The following SLCO2A1 variants were observed in gnomAD, a reference collection of about 807,000 sequenced individuals.
SLCO2A1 encodes matrin F/G 1.
Under a neutral mutation model 71.7 loss-of-function variants are expected in SLCO2A1, and 60 were observed. That is an observed-to-expected ratio of 0.84 (90% CI 0.68 to 1.04). SLCO2A1 has a LOEUF of 1.04. Among genes scored for constraint, SLCO2A1 ranks in the 50% least tolerant of loss-of-function variants. SLCO2A1 has a pLI of 0.00. For missense variants in SLCO2A1, 745 were observed against 813.4 expected (o/e 0.92, Z 1.02); for synonymous variants, 308 against 326.7 (o/e 0.94, Z 0.62).
At chr3:133,987,962 G>A (rs1934754421) in intron 1 of SLCO2A1, among the ~76,000 whole-genome samples, 1 of 152,144 alleles carries the variant, frequency 6.6e-6, no homozygotes, top group Non-Finnish European at 1.5e-5. Context: ...AAGAAAGGAG[G>A]GAGGAAAAGG....
chr3:133,939,592 A>C (rs1933363311), intron 11 of SLCO2A1, among the ~76,000 whole-genome samples: 1 of 152,142 alleles, frequency 6.6e-6, no homozygotes, highest in Non-Finnish European at 1.5e-5. Flanking sequence ...TGAGACAAAT[A>C]CTCATTGGGG....
At chr3:133,941,261 C>T (rs1458423931) in intron 11 of SLCO2A1, among the ~76,000 whole-genome samples, 3 of 152,148 alleles carry the variant, frequency 2.0e-5, no homozygotes, top group Non-Finnish European at 4.4e-5. Flanking sequence ...AGACACCTAG[C>T]TAGCTGTGAA....
At chr3:133,951,473 T>A in intron 5 of SLCO2A1, 129 bp from the exon 6 acceptor site, 1 of 1,129,018 alleles carries the variant, frequency 8.9e-7, no homozygotes, top group Non-Finnish European at 1.3e-6. Flanking sequence ...AGCCATGAGC[T>A]AGATTCTTGG....
chr3:133,953,621 T>G (rs774719813), intron 5 of SLCO2A1, 42 bp downstream of exon 5: 6 of 1,524,646 alleles, frequency 3.9e-6, no homozygotes, highest in Admixed American at 1.7e-5. Flanking sequence ...GGCTGCTTTA[T>G]TGAGCTGGGG....
intron 1 of SLCO2A1, among the ~76,000 whole-genome samples, chr3:134,004,906 C>T (rs1007613227): frequency 8.5e-5 from 13 of 152,160 alleles, no homozygotes; most frequent in Non-Finnish European, 1.6e-4. Flanking sequence ...TAAGCCACTC[C>T]GTGGTGATAA....
intron 3 of SLCO2A1, among the ~76,000 whole-genome samples, chr3:133,959,551 G>A (rs970389914): frequency 2.6e-5 from 4 of 152,132 alleles, no homozygotes; most frequent in Admixed American, 1.3e-4. Context: ...AACACTGGGC[G>A]TGACGGCGCG....
rs150503809 is a variant in SLCO2A1 at position 133,935,805 on chromosome 3, C to T, written c.1783G>A (p.Ala595Thr). The T allele has an allele frequency of 1.8e-4, 297 of 1,609,914 alleles. No homozygotes were observed. Among genetic ancestry groups the T allele is most frequent in the Non-Finnish European group, 2.3e-4 (272 of 1,177,446 alleles). Residue 595 changes from alanine to threonine, a missense_variant, in exon 13 of 14, where the codon GCC becomes ACC. Coordinates refer to ENST00000310926, the MANE Select transcript of SLCO2A1 (RefSeq NM_005630.3). ...CGGAGAGCATCGTTGTCATAGTAGG[C>T]GCAGGCCCCTCGCCTCCCCAAGCAC... is the stretch of plus-strand genomic sequence containing the variant. ...SLCLGRRGAC[A>T]YYDNDALRDR...
chr3:133,952,945 GTA>G (rs1559933452), intron 5 of SLCO2A1, among the ~76,000 whole-genome samples: 1 of 152,060 alleles, frequency 6.6e-6, no homozygotes. Context: ...TCATCCGTGT[GTA>G]TATTTTATAT....
At chr3:133,934,915 T>A in intron 13 of SLCO2A1, 85 bp from the exon 14 acceptor site, 1 of 1,082,262 alleles carries the variant, frequency 9.2e-7, no homozygotes, top group Non-Finnish European at 1.4e-6. Context: ...AAGAACCACA[T>A]CATTCCCACG....
intron 1 of SLCO2A1, among the ~76,000 whole-genome samples, chr3:133,992,448 G>C (rs924583793): frequency 6.6e-6 from 1 of 152,338 alleles, no homozygotes; most frequent in East Asian, 1.9e-4. Flanking sequence ...CTGTGATAGG[G>C]ACAGGAGGCA....
At chr3:133,964,510 C>T (rs1225793011) in intron 3 of SLCO2A1, among the ~76,000 whole-genome samples, 1 of 152,154 alleles carries the variant, frequency 6.6e-6, no homozygotes, top group Non-Finnish European at 1.5e-5. Flanking sequence ...GGTCCAGAAA[C>T]TAGATACCAG....
chr3:134,019,651 C>T (rs746087506), intron 1 of SLCO2A1, among the ~76,000 whole-genome samples: 1 of 152,226 alleles, frequency 6.6e-6, no homozygotes, highest in Non-Finnish European at 1.5e-5. Flanking sequence ...CAGGTAAGGA[C>T]GCTGAGGCCC....
At chr3:133,953,179 G>A (rs186305753) in intron 5 of SLCO2A1, among the ~76,000 whole-genome samples, 6 of 152,192 alleles carry the variant, frequency 3.9e-5, no homozygotes, top group Admixed American at 2.6e-4. Flanking sequence ...TGGGACTACA[G>A]GCATCTGCCA....
chr3:133,969,323 G>A (rs905679783), intron 3 of SLCO2A1, among the ~76,000 whole-genome samples: 2 of 152,114 alleles, frequency 1.3e-5, no homozygotes, highest in African/African-American at 4.8e-5. Context: ...CCAGCTACTC[G>A]GGAGGATGAG....
intron 1 of SLCO2A1, among the ~76,000 whole-genome samples, chr3:134,027,046 C>T (rs1444868736): frequency 2.0e-5 from 3 of 152,220 alleles, no homozygotes; most frequent in African/African-American, 7.2e-5. Flanking sequence ...AGCTTCATCG[C>T]TACCTTAGTT....
intron 1 of SLCO2A1, among the ~76,000 whole-genome samples, chr3:134,003,592 C>T (rs555819597): frequency 1.6e-4 from 24 of 152,340 alleles, no homozygotes; most frequent in Non-Finnish European, 2.8e-4. Context: ...CTGCTCCCTG[C>T]ATCCTCCATT....
At chr3:133,938,813 A>G (rs1159690562) in intron 11 of SLCO2A1, among the ~76,000 whole-genome samples, 1 of 152,006 alleles carries the variant, frequency 6.6e-6, no homozygotes, top group African/African-American at 2.4e-5. Flanking sequence ...CTGATGCATC[A>G]CTGAGAACCA....
chr3:133,994,623 G>A (rs1239241955), intron 1 of SLCO2A1, among the ~76,000 whole-genome samples: 3 of 152,144 alleles, frequency 2.0e-5, no homozygotes, highest in Non-Finnish European at 2.9e-5. Context: ...CCCATCTTCC[G>A]CCATGTCTCC....
At chr3:134,005,935 G>A (rs977667730) in intron 1 of SLCO2A1, among the ~76,000 whole-genome samples, 3 of 151,484 alleles carry the variant, frequency 2.0e-5, no homozygotes, top group Non-Finnish European at 4.4e-5. Context: ...TATTTAATTA[G>A]GTTTCTTTAT....
Sources: allele counts gnomAD v4.1 joint callset (sites outside exome capture counted in the v4.1 genomes callset), GRCh38; gene constraint gnomAD v4.1.1; transcripts MANE v1.5; gene names NCBI Gene and HGNC (gene_info 2026-07-23, HGNC 2026-07-21).